ADAMTS12: variants seen among roughly 807,000 people sequenced by gnomAD.
The protein encoded by ADAMTS12 is ADAM metallopeptidase with thrombospondin type 1 motif 12.
A neutral mutation model predicts 167.8 loss-of-function variants in ADAMTS12; 118 were observed. The ratio of observed to expected loss-of-function variants is 0.70; its 90% CI spans 0.61 to 0.82. ADAMTS12 has a LOEUF of 0.82. Ranked by LOEUF, ADAMTS12 falls within the 40% of genes least tolerant of loss-of-function variation. ADAMTS12 has a pLI of 0.00. For synonymous variants in ADAMTS12, 704 were observed against 716.9 expected, an observed-to-expected ratio of 0.98 and a Z score of 0.29; for missense variants, 1,916 against 1,998.8, an observed-to-expected ratio of 0.96 and a Z score of 0.79.
intron 2 of ADAMTS12, among the ~76,000 whole-genome samples, chr5:33,766,879 G>A (rs777303348): frequency 6.6e-6 from 1 of 152,074 alleles, no homozygotes; most frequent in Non-Finnish European, 1.5e-5. Context: ...CTGTCTTTCA[G>A]AACAATATTC....
chr5:33,662,162 T>G (rs1450148315), intron 5 of ADAMTS12, 122 bp from the exon 6 acceptor site: 3 of 1,308,438 alleles, frequency 2.3e-6, no homozygotes, highest in Non-Finnish European at 3.1e-6. Context: ...GCATCAGACA[T>G]TTGGCAGTCA....
chr5:33,891,277 G>T (rs1439232111), intron 1 of ADAMTS12, among the ~76,000 whole-genome samples: 3 of 152,240 alleles, frequency 2.0e-5, no homozygotes, highest in African/African-American at 7.2e-5. Flanking sequence ...CTGCTCAGTA[G>T]GGGGGAAGAA....
intron 16 of ADAMTS12, among the ~76,000 whole-genome samples, chr5:33,605,229 T>A (rs1193253311): frequency 1.3e-5 from 2 of 152,210 alleles, no homozygotes; most frequent in Non-Finnish European, 2.9e-5. Flanking sequence ...GCCTATTTCC[T>A]AAAGAGCTCC....
At chr5:33,631,469 G>A (rs1278026709) in intron 12 of ADAMTS12, among the ~76,000 whole-genome samples, 1 of 111,972 alleles carries the variant, frequency 8.9e-6, no homozygotes, top group Admixed American at 9.3e-5. Context: ...CAACCATGTA[G>A]AAACATTTTT....
intron 3 of ADAMTS12, among the ~76,000 whole-genome samples, chr5:33,724,525 G>T (rs115952475): frequency 0.016 from 2,375 of 151,416 alleles, 31 homozygotes; most frequent in Middle Eastern, 0.041. Flanking sequence ...AAACAGCTTG[G>T]TCATCAAGGC....
chr5:33,717,192 C>T, intron 3 of ADAMTS12, among the ~76,000 whole-genome samples: 1 of 151,812 alleles, frequency 6.6e-6, no homozygotes, highest in Non-Finnish European at 1.5e-5. Flanking sequence ...GAAGGCTGTC[C>T]CATGTCCTAG....
intron 2 of ADAMTS12, among the ~76,000 whole-genome samples, chr5:33,835,979 G>T (rs1748511159): frequency 1.4e-5 from 2 of 140,346 alleles, no homozygotes; most frequent in East Asian, 2.1e-4. Context: ...GTCCATCTGG[G>T]CAGTTTATGC....
At chr5:33,828,408 T>C (rs1464387167) in intron 2 of ADAMTS12, among the ~76,000 whole-genome samples, 2 of 152,186 alleles carry the variant, frequency 1.3e-5, no homozygotes, top group East Asian at 3.8e-4. Context: ...GTCCTCTATC[T>C]TTTAGACACC....
intron 3 of ADAMTS12, among the ~76,000 whole-genome samples, chr5:33,720,745 G>T (rs1743779393): frequency 6.6e-6 from 1 of 152,182 alleles, no homozygotes; most frequent in Admixed American, 6.5e-5. Context: ...TACACTGCTG[G>T]TGAGCGGGTA....
intron 2 of ADAMTS12, among the ~76,000 whole-genome samples, chr5:33,851,753 C>T (rs1749227931): frequency 2.0e-5 from 3 of 152,194 alleles, no homozygotes; most frequent in Admixed American, 2.0e-4. Context: ...TGCAGAGATG[C>T]TTTTATGTCT....
intron 2 of ADAMTS12, among the ~76,000 whole-genome samples, chr5:33,791,148 C>A (rs1561273937): frequency 6.6e-6 from 1 of 152,174 alleles, no homozygotes; most frequent in Non-Finnish European, 1.5e-5. Flanking sequence ...ACATGCACAG[C>A]AGCATGGCTG....
intron 15 of ADAMTS12, among the ~76,000 whole-genome samples, chr5:33,615,601 C>T (rs185085584): frequency 5.9e-5 from 9 of 152,272 alleles, no homozygotes; most frequent in South Asian, 2.1e-4. Flanking sequence ...ACTCAAACCT[C>T]CCAGTGGGTG....
chr5:33,751,583 C>T, intron 2 of ADAMTS12, 35 bp from the exon 3 acceptor site: 2 of 1,606,586 alleles, frequency 1.2e-6, no homozygotes, highest in African/African-American at 1.3e-5. Context: ...TTTATTTTAA[C>T]CAATTCTACA....
At chr5:33,594,295 C>T (rs139290352) in intron 17 of ADAMTS12, among the ~76,000 whole-genome samples, 18 of 152,328 alleles carry the variant, frequency 1.2e-4, no homozygotes, top group African/African-American at 4.1e-4. Flanking sequence ...ATTGTGAGGC[C>T]TCCCTAACCA....
At chr5:33,682,238 C>T (rs141829374) in intron 5 of ADAMTS12, among the ~76,000 whole-genome samples, 124 of 152,238 alleles carry the variant, frequency 8.1e-4, no homozygotes, top group Non-Finnish European at 1.7e-3. Flanking sequence ...GTAACCAATG[C>T]GTAATAGTAC....
intron 13 of ADAMTS12, among the ~76,000 whole-genome samples, chr5:33,624,948 C>A (rs1739513931): frequency 6.6e-6 from 1 of 152,110 alleles, no homozygotes; most frequent in Non-Finnish European, 1.5e-5. Flanking sequence ...AGATCATTTT[C>A]TTTCTAACTT....
intron 13 of ADAMTS12, among the ~76,000 whole-genome samples, chr5:33,629,842 G>C (rs57005451): frequency 6.6e-6 from 1 of 151,860 alleles, no homozygotes; most frequent in African/African-American, 2.4e-5. Context: ...AGTTAACTGT[G>C]GCATACATAT....
intron 5 of ADAMTS12, 86 bp downstream of exon 5, chr5:33,682,932 T>A: frequency 9.1e-7 from 1 of 1,102,434 alleles, no homozygotes; most frequent in Non-Finnish European, 1.3e-6. Context: ...GGTACCCTCT[T>A]TCTTGTCTAC....
chr5:33,562,918 C>G (rs1411284759), intron 19 of ADAMTS12, among the ~76,000 whole-genome samples: 1 of 152,190 alleles, frequency 6.6e-6, no homozygotes, highest in African/African-American at 2.4e-5. Context: ...AGGCATGAGT[C>G]ACCACGCCTG....
Sources: allele counts gnomAD v4.1 joint callset (sites outside exome capture counted in the v4.1 genomes callset), GRCh38; gene constraint gnomAD v4.1.1; transcripts MANE v1.5; gene names NCBI Gene and HGNC (gene_info 2026-07-23, HGNC 2026-07-21).